The following NOS1AP variants were observed in gnomAD, a reference collection of about 807,000 sequenced individuals.
NOS1AP encodes the protein carboxyl-terminal PDZ ligand of neuronal nitric oxide synthase protein.
NOS1AP carries 21 observed loss-of-function variants against 56.2 expected under a neutral mutation model. That is an observed-to-expected ratio of 0.37 (90% CI 0.26 to 0.54). The LOEUF (loss-of-function observed/expected upper bound fraction) is 0.54. Ranked by LOEUF, NOS1AP falls within the 20% of genes least tolerant of loss-of-function variation. NOS1AP has a pLI of 0.84. For missense variants in NOS1AP, 522 were observed against 657.8 expected, an observed-to-expected ratio of 0.79 and a Z score of 2.26; for synonymous variants, 270 against 274.6, an observed-to-expected ratio of 0.98 and a Z score of 0.17.
chr1:162,283,163 C>CATATATTATATATATGTTAAAA (rs1553201818), intron 2 of NOS1AP, among the ~76,000 whole-genome samples: 4 of 150,652 alleles, frequency 2.7e-5, no homozygotes, highest in Non-Finnish European at 4.4e-5. Flanking sequence ...ATATTTTTAA[C>CATATATTATATATATGTTAAAA]ATATATATAT....
chr1:162,075,583 G>T (rs1691749797), intron 1 of NOS1AP, among the ~76,000 whole-genome samples: 2 of 152,200 alleles, frequency 1.3e-5, no homozygotes, highest in South Asian at 4.1e-4. Flanking sequence ...ACTATACACT[G>T]GGTGTTTATG....
intron 2 of NOS1AP, among the ~76,000 whole-genome samples, chr1:162,266,096 C>A (rs545174379): frequency 1.3e-5 from 2 of 152,204 alleles, no homozygotes; most frequent in South Asian, 4.2e-4. Flanking sequence ...GTCCCATTGG[C>A]TAGAATTCAG....
At chr1:162,162,338 G>A (rs1002223647) in intron 2 of NOS1AP, among the ~76,000 whole-genome samples, 1 of 152,226 alleles carries the variant, frequency 6.6e-6, no homozygotes, top group African/African-American at 2.4e-5. Context: ...GCGGTCGTTG[G>A]AATAGAGAGA....
chr1:162,258,273 A>T (rs1654099227), intron 2 of NOS1AP, among the ~76,000 whole-genome samples: 1 of 152,206 alleles, frequency 6.6e-6, no homozygotes, highest in Non-Finnish European at 1.5e-5. Flanking sequence ...GTCTCTGAGC[A>T]CCATGAGAGC....
intron 2 of NOS1AP, among the ~76,000 whole-genome samples, chr1:162,242,179 G>A (rs889708118): frequency 1.3e-5 from 2 of 152,172 alleles, no homozygotes; most frequent in South Asian, 2.1e-4. Flanking sequence ...CTGACCTCAA[G>A]TGAATAGGGT....
intron 1 of NOS1AP, among the ~76,000 whole-genome samples, chr1:162,124,212 A>C (rs2102055484): frequency 6.6e-6 from 1 of 152,182 alleles, no homozygotes; most frequent in Non-Finnish European, 1.5e-5. Flanking sequence ...CTGGGATTTT[A>C]GTGTACATAT....
chr1:162,187,519 A>G (rs1002960104), intron 2 of NOS1AP, among the ~76,000 whole-genome samples: 4 of 152,248 alleles, frequency 2.6e-5, no homozygotes, highest in African/African-American at 7.2e-5. Flanking sequence ...ATTTCTAAAT[A>G]GAATTTTGCA....
intron 4 of NOS1AP, among the ~76,000 whole-genome samples, chr1:162,331,935 C>A (rs1161711339): frequency 6.6e-6 from 1 of 152,202 alleles, no homozygotes; most frequent in Non-Finnish European, 1.5e-5. Context: ...TCTGCCCACC[C>A]CAAGCAGCCA....
At chr1:162,130,247 C>T (rs1648690647) in intron 1 of NOS1AP, among the ~76,000 whole-genome samples, 1 of 152,188 alleles carries the variant, frequency 6.6e-6, no homozygotes, top group Admixed American at 6.5e-5. Flanking sequence ...AACAAAGGCA[C>T]AGAGAGGGTA....
intron 5 of NOS1AP, chr1:162,338,647 A>G (rs1336571529): frequency 1.3e-5 from 2 of 152,246 alleles, no homozygotes; most frequent in Admixed American, 1.3e-4. Context: ...ATCATGGTCT[A>G]TGGCCATACC....
chr1:162,329,804 T>C (rs1656708225), intron 4 of NOS1AP, among the ~76,000 whole-genome samples: 2 of 152,218 alleles, frequency 1.3e-5, no homozygotes, highest in South Asian at 4.1e-4. Context: ...TTCTGCCTCT[T>C]GGTTATGTTG....
chr1:162,179,477 G>A (rs1196817255), intron 2 of NOS1AP, among the ~76,000 whole-genome samples: 1 of 152,206 alleles, frequency 6.6e-6, no homozygotes, highest in Non-Finnish European at 1.5e-5. Flanking sequence ...TAAAGACAGA[G>A]GAAGGAAAAA....
intron 1 of NOS1AP, among the ~76,000 whole-genome samples, chr1:162,140,592 A>G (rs1006645086): frequency 1.3e-5 from 2 of 152,238 alleles, no homozygotes; most frequent in African/African-American, 4.8e-5. Context: ...ATTGTGAATA[A>G]TGCTGCAATG....
intron 5 of NOS1AP, among the ~76,000 whole-genome samples, chr1:162,342,194 C>T (rs112023593): frequency 0.02 from 3,119 of 152,290 alleles, 90 homozygotes; most frequent in African/African-American, 0.068. Flanking sequence ...AGGTTCTTAT[C>T]TCCCAGAAGT....
chr1:162,309,896 T>C (rs539319730), intron 4 of NOS1AP, among the ~76,000 whole-genome samples: 20 of 152,332 alleles, frequency 1.3e-4, no homozygotes, highest in African/African-American at 4.8e-4. Context: ...AAAATGTGCT[T>C]ATATACAATC....
Position 162,368,437 on chromosome 1 carries a change from G to T in NOS1AP, c.*970G>T, listed in dbSNP as rs1458021221. The T allele has an allele frequency of 2.0e-4, 2 of 10,016 alleles. No homozygotes were observed. The highest frequency in any genetic ancestry group is 3.6e-4 in the Non-Finnish European group (2 of 5,510). 0.6% of individuals were successfully genotyped at this position (10,016 alleles called of 1,614,324 possible). On this transcript the variant is annotated 3_prime_UTR_variant, in exon 10 of 10. Coordinates refer to ENST00000361897, the MANE Select transcript of NOS1AP (RefSeq NM_014697.3). ...TGGGCAGTGGTGGTCAGTTTTTACT[G>T]CAAAAAAAAAAAAAGAAAAAAGAGA...
At chr1:162,278,953 C>A (rs942503864) in intron 2 of NOS1AP, among the ~76,000 whole-genome samples, 7 of 152,004 alleles carry the variant, frequency 4.6e-5, no homozygotes, top group Non-Finnish European at 5.9e-5. Flanking sequence ...ATATATTAAC[C>A]ATTTAGAGGA....
Position 162,070,114 on chromosome 1 carries a change from G to C in NOS1AP, c.-64G>C. On this transcript the variant is annotated 5_prime_UTR_variant, in exon 1 of 10. Transcript: ENST00000361897. ...CGCCCAGCTCCAGTCTCCCCTCCCC[G>C]GGGTCTCGCCAGCCCCTTCCTGCAG... The C allele has an allele frequency of 7.5e-7, 1 of 1,333,086 alleles. No individual in the cohort carries two copies. Among genetic ancestry groups the C allele is most frequent in the Non-Finnish European group, 1.1e-6 (1 of 928,254 alleles). The allele number at this position is 1,333,086 out of a possible 1,614,324, so 82.6% of individuals were successfully genotyped here.
In NOS1AP at chr1:162,278,693, G is replaced by A. The variant is rs547028303; in HGVS notation, c.178-8651G>A. Among the ~76,000 whole-genome samples the A allele has an allele frequency of 7.9e-5, 12 of 151,952 alleles. No homozygotes were observed. In the South Asian group the frequency reaches 2.1e-3, roughly 26 times the overall value. On this transcript the variant is annotated intron_variant, in intron 2 of 9. Coordinates refer to ENST00000361897, the MANE Select transcript of NOS1AP (RefSeq NM_014697.3). ...TGTGTGTGTGTGTGTGTGTGTGTGTGTGTGTGTGTGTGTGTGTGTAGATAT... is the reference window on the plus strand; with the variant it reads ...TGTGTGTGTGTGTGTGTGTGTGTGTATGTGTGTGTGTGTGTGTGTAGATAT...
Sources: allele counts gnomAD v4.1 joint callset (sites outside exome capture counted in the v4.1 genomes callset), GRCh38; gene constraint gnomAD v4.1.1; transcripts MANE v1.5; gene names NCBI Gene and HGNC (gene_info 2026-07-23, HGNC 2026-07-21).